JAK2: variants seen among roughly 807,000 people sequenced by gnomAD.
The protein encoded by JAK2 is tyrosine-protein kinase JAK2.
A neutral mutation model predicts 139.3 loss-of-function variants in JAK2; 86 were observed. The observed-to-expected ratio is 0.62, with a 90% CI of 0.52 to 0.74. The LOEUF is 0.74. JAK2 is among the 30% of genes least tolerant of loss of function. JAK2 has a pLI of 0.00. For missense variants in JAK2, 1,421 were observed against 1,360.3 expected, an observed-to-expected ratio of 1.04 and a Z score of -0.70; for synonymous variants, 490 against 437.7, an observed-to-expected ratio of 1.12 and a Z score of -1.49.
At chr9:5,124,038 T>C (rs771088003) in intron 23 of JAK2, among the ~76,000 whole-genome samples, 2 of 151,688 alleles carry the variant, frequency 1.3e-5, no homozygotes, top group African/African-American at 2.4e-5. Context: ...ATCTCCTTTG[T>C]CCACTTTTTA....
chr9:5,009,409 C>G (rs1821539432), intron 2 of JAK2, among the ~76,000 whole-genome samples: 2 of 151,914 alleles, frequency 1.3e-5, no homozygotes, highest in African/African-American at 4.8e-5. Flanking sequence ...CTATGAAATG[C>G]CCAGGCTGTC....
chr9:5,091,870 T>G (rs1820602452), intron 22 of JAK2, among the ~76,000 whole-genome samples: 1 of 152,104 alleles, frequency 6.6e-6, no homozygotes, highest in Non-Finnish European at 1.5e-5. Context: ...TAAGCTCTAT[T>G]GCTAGTAAGA....
At chr9:5,000,367 C>T (rs1408189326) in intron 2 of JAK2, among the ~76,000 whole-genome samples, 1 of 151,860 alleles carries the variant, frequency 6.6e-6, no homozygotes, top group African/African-American at 2.4e-5. Context: ...GTAAGGAGAC[C>T]AGTAAGAAAA....
intron 22 of JAK2, chr9:5,111,265 GC>G: frequency 2.0e-6 from 1 of 499,538 alleles, no homozygotes; most frequent in Non-Finnish European, 3.9e-6. Flanking sequence ...GGCGTGCGCA[GC>G]CTGACTCAGG....
At chr9:5,070,335 C>T (rs999351609) in intron 12 of JAK2, among the ~76,000 whole-genome samples, 3 of 151,966 alleles carry the variant, frequency 2.0e-5, no homozygotes, top group African/African-American at 7.3e-5. Flanking sequence ...AGACCTATAT[C>T]GCAACTCCCA....
intron 2 of JAK2, among the ~76,000 whole-genome samples, chr9:5,005,194 C>A (rs572819953): frequency 3.6e-5 from 5 of 140,762 alleles, no homozygotes; most frequent in Non-Finnish European, 6.0e-5. Context: ...AAGTAATCCT[C>A]CCACCTTGGC....
chr9:5,107,676 A>G (rs1353509003), intron 22 of JAK2, among the ~76,000 whole-genome samples: 1 of 152,206 alleles, frequency 6.6e-6, no homozygotes, highest in Non-Finnish European at 1.5e-5. Flanking sequence ...ACCATATACC[A>G]TATCACTACT....
At position 5,074,070 on chromosome 9, in the gene JAK2, G is replaced by A. The variant is rs185637512; in HGVS notation, c.1864+285G>A. On this transcript the variant is annotated intron_variant, in intron 14 of 24. Transcript: ENST00000381652. ...TGTTCATGATAGCAAAAGAGATTAT[G>A]GCAGGTTCAACATAACATTGGAATA... is the stretch of plus-strand genomic sequence containing the variant. Among the ~76,000 whole-genome samples, 3 of 152,148 alleles carry A rather than the reference G, an allele frequency of 2.0e-5. No homozygotes were observed. In the East Asian group the frequency reaches 5.8e-4, roughly 29 times the overall value.
At chr9:5,119,790 G>A (rs1468532465) in intron 22 of JAK2, among the ~76,000 whole-genome samples, 1 of 151,998 alleles carries the variant, frequency 6.6e-6, no homozygotes, top group Non-Finnish European at 1.5e-5. Flanking sequence ...ATTTTCATAT[G>A]TACTTAATGA....
chr9:5,064,149 C>G (rs1818397490), intron 8 of JAK2, among the ~76,000 whole-genome samples: 1 of 151,578 alleles, frequency 6.6e-6, no homozygotes, highest in African/African-American at 2.4e-5. Context: ...GAGCAAGACT[C>G]TGACTGGGCG....
chr9:5,076,381 C>A (rs1002688812), intron 14 of JAK2, among the ~76,000 whole-genome samples: 1 of 152,092 alleles, frequency 6.6e-6, no homozygotes, highest in Non-Finnish European at 1.5e-5. Context: ...TAAGAAACTG[C>A]CACAGCTACC....
intron 14 of JAK2, among the ~76,000 whole-genome samples, chr9:5,075,460 T>C (rs969019919): frequency 6.6e-5 from 10 of 152,186 alleles, no homozygotes; most frequent in African/African-American, 2.2e-4. Flanking sequence ...CCAGCGCTCA[T>C]TTACCATTCC....
At chr9:4,996,292 C>A (rs986058084) in intron 2 of JAK2, among the ~76,000 whole-genome samples, 1 of 151,880 alleles carries the variant, frequency 6.6e-6, no homozygotes, top group African/African-American at 2.4e-5. Context: ...CTACTAAATA[C>A]AAAAAAATAG....
intron 2 of JAK2, among the ~76,000 whole-genome samples, chr9:5,011,283 G>A (rs116421773): frequency 2.8e-3 from 430 of 152,128 alleles, no homozygotes; most frequent in African/African-American, 1.0e-2. Context: ...ACTCCTGAGC[G>A]CAAGTAATCC....
chr9:5,105,517 C>A (rs906123784), intron 22 of JAK2, among the ~76,000 whole-genome samples: 3 of 152,166 alleles, frequency 2.0e-5, no homozygotes, highest in African/African-American at 7.2e-5. Flanking sequence ...TCAATGCCAT[C>A]CCCATCAAGC....
rs139964957 is a variant in JAK2 at position 5,128,080 on chromosome 9, TTGTGTGTGTGTGTG to T, written c.*1317_*1330del. ...TAGCTAAAATAAAATATGGTGGGTTTTGTGTGTGTGTGTGTGTGTGTGTGTGTGTGTGTGTGTGT... is the reference window on the plus strand; with the variant it reads ...TAGCTAAAATAAAATATGGTGGGTTTTGTGTGTGTGTGTGTGTGTGTGTGT... On this transcript the variant is annotated 3_prime_UTR_variant, in exon 25 of 25. Coordinates refer to ENST00000381652, the MANE Select transcript of JAK2 (RefSeq NM_004972.4). 44 of 224,796 alleles carry T rather than the reference TTGTGTGTGTGTGTG, an allele frequency of 2.0e-4. No homozygotes were observed. Among genetic ancestry groups the T allele is most frequent in the Admixed American group, 4.1e-4 (7 of 17,002 alleles). 13.9% of individuals were successfully genotyped at this position (224,796 alleles called of 1,614,324 possible).
chr9:5,003,293 T>C (rs1487204866), intron 2 of JAK2, among the ~76,000 whole-genome samples: 4 of 152,006 alleles, frequency 2.6e-5, no homozygotes, highest in African/African-American at 9.7e-5. Flanking sequence ...AATCTATAGA[T>C]TAATTTGGAA....
chr9:5,074,619 G>GTCTCTC (rs1054357479), intron 14 of JAK2, among the ~76,000 whole-genome samples: 17 of 152,162 alleles, frequency 1.1e-4, no homozygotes, highest in African/African-American at 4.1e-4. Flanking sequence ...CCATTCCTCT[G>GTCTCTC]TCTCTCTCCC....
intron 4 of JAK2, among the ~76,000 whole-genome samples, chr9:5,035,025 C>G (rs1048303959): frequency 9.2e-5 from 14 of 152,112 alleles, no homozygotes; most frequent in South Asian, 4.1e-4. Flanking sequence ...GAATCAAATA[C>G]ATGCAATAAA....
Sources: gnomAD v4.1 joint callset for allele counts (sites outside exome capture counted in the v4.1 genomes callset) on GRCh38, gnomAD v4.1.1 for gene constraint, MANE v1.5 for transcripts, NCBI Gene and HGNC (gene_info 2026-07-23, HGNC 2026-07-21) for gene names.